KIF17: variants seen among roughly 807,000 people sequenced by gnomAD.
KIF17 encodes the protein kinesin family member 17, also known as kinesin-like protein KIF17.
In KIF17, 80 loss-of-function variants were observed where a neutral mutation model predicts 96.8. The observed-to-expected ratio is 0.83, with a 90% CI of 0.69 to 1.00. The LOEUF is 1.00. Ranked by LOEUF, KIF17 falls within the 50% of genes least tolerant of loss-of-function variation. The pLI is 0.00. For missense variants in KIF17, 1,280 were observed against 1,372.9 expected (o/e 0.93, Z 1.07); for synonymous variants, 567 against 587.5 (o/e 0.97, Z 0.51).
At position 20,704,568 on chromosome 1, in the gene KIF17, G is replaced by A. The variant is rs770451177; in HGVS notation, c.1002C>T (p.Asn334=). Residue 334 remains asparagine (N), a synonymous_variant, in exon 5 of 15, where the codon AAC becomes AAT. Coordinates refer to ENST00000400463, the MANE Select transcript of KIF17 (RefSeq NM_001122819.3). The surrounding 1 kb of genome is among the most constrained non-coding windows in gnomAD (Gnocchi z 6.8). ...STLRYANRAK[N]IRNKPRINED... ...CATTGATGCGCGGCTTGTTCCTGAT[G>A]TTCTTGGCCCGGTTGGCGTAGCGCA... The A allele has an allele frequency of 1.2e-6, 2 of 1,614,214 alleles. No homozygotes were observed. The highest frequency in any genetic ancestry group is 2.2e-5 in the East Asian group (1 of 44,870).
intron 3 of KIF17, among the ~76,000 whole-genome samples, chr1:20,711,804 G>GC (rs1403563927): frequency 6.6e-6 from 1 of 152,096 alleles, no homozygotes; most frequent in Non-Finnish European, 1.5e-5. Flanking sequence ...GTGCTGTGGA[G>GC]CCCCCGGGTT....
intron 11 of KIF17, among the ~76,000 whole-genome samples, chr1:20,682,165 C>T (rs757556242): frequency 1.2e-4 from 18 of 151,876 alleles, no homozygotes; most frequent in African/African-American, 3.9e-4. Context: ...TACCCGCATG[C>T]GTGCACACAC....
At chr1:20,690,368 G>A (rs1187181597) in intron 6 of KIF17, 33 bp from the exon 7 acceptor site, 4 of 1,581,666 alleles carry the variant, frequency 2.5e-6, no homozygotes, top group Non-Finnish European at 3.5e-6. Flanking sequence ...AGGGCAGGCA[G>A]CATTTTATCA....
At chr1:20,668,242 G>A (rs2053567462) in intron 13 of KIF17, among the ~76,000 whole-genome samples, 3 of 151,240 alleles carry the variant, frequency 2.0e-5, no homozygotes, top group Admixed American at 6.6e-5. Context: ...CCTGGGAGGC[G>A]GAGCTTGCCG....
chr1:20,700,334 G>T lies in KIF17; in HGVS notation c.1124-1846C>A, dbSNP rs1451676276. Among the ~76,000 whole-genome samples, 2 of 152,202 alleles carry T rather than the reference G, an allele frequency of 1.3e-5. No individual in the cohort carries two copies. Among genetic ancestry groups the T allele is most frequent in the Admixed American group, 6.5e-5 (1 of 15,270 alleles). On this transcript the variant is annotated intron_variant, in intron 5 of 14. Transcript: ENST00000400463. The surrounding 1 kb of genome is among the most constrained non-coding windows in gnomAD (Gnocchi z 4.6). ...GATCTGCCCACCTCGGCCTCCCAAA[G>T]TACTAGGATTACAGGCGTGAACCAC...
rs765789636 is a variant in KIF17 at position 20,690,231 on chromosome 1, G to A, written c.1338C>T (p.Asp446=). 1.7e-5 allele frequency: 28 copies of A among 1,602,412 alleles called. No individual in the cohort carries two copies. Among genetic ancestry groups the A allele is most frequent in the Middle Eastern group, 3.3e-4 (2 of 6,014 alleles). The change falls in exon 7 of 15, where the codon GAC becomes GAT. Residue 446 remains aspartate, a synonymous_variant. Coordinates refer to ENST00000400463, the MANE Select transcript of KIF17 (RefSeq NM_001122819.3). ...EDITAMRNSY[D]VRLSTLEENL... ...TCTCCTCCAGCGTGGACAGCCTGACGTCATATGAGTTGCGCATGGCAGTGA... is the reference window on the plus strand; with the variant it reads ...TCTCCTCCAGCGTGGACAGCCTGACATCATATGAGTTGCGCATGGCAGTGA...
chr1:20,708,355 G>A (rs988933930), intron 4 of KIF17, among the ~76,000 whole-genome samples: 4 of 152,210 alleles, frequency 2.6e-5, no homozygotes, highest in African/African-American at 9.7e-5. Context: ...GTGCAGTGGT[G>A]CGATCTCAGA....
chr1:20,696,601 AG>A (rs1296082971), intron 6 of KIF17, among the ~76,000 whole-genome samples: 6 of 152,102 alleles, frequency 3.9e-5, no homozygotes, highest in African/African-American at 1.4e-4. Flanking sequence ...GGTGACCACC[AG>A]GGGGAGGCAG....
At position 20,687,327 on chromosome 1, in the gene KIF17, G is replaced by A. The variant is rs539974632; in HGVS notation, c.1938+61C>T. The A allele has an allele frequency of 2.7e-5, 42 of 1,576,608 alleles. 1 individual carries two copies. The highest frequency in any genetic ancestry group is 1.3e-4 in the East Asian group (6 of 44,726). On this transcript the variant is annotated intron_variant, in intron 8 of 14. Coordinates refer to ENST00000400463, the MANE Select transcript of KIF17 (RefSeq NM_001122819.3). The surrounding 1 kb of genome is among the most constrained non-coding windows in gnomAD (Gnocchi z 4.4). ...GAACAGTGTGTGCACAGTGAGCTCC[G>A]GGCCCTGGGCAAGCTCTGCCTGCTC...
At chr1:20,702,176 C>G (rs897425448) in intron 5 of KIF17, among the ~76,000 whole-genome samples, 4 of 152,206 alleles carry the variant, frequency 2.6e-5, no homozygotes, top group Non-Finnish European at 5.9e-5. Context: ...GTCCCCTTTA[C>G]AGATGAAGAG....
Position 20,664,405 on chromosome 1 carries a change from C to T in KIF17, c.*179G>A. The T allele has an allele frequency of 6.6e-7, 1 of 1,504,170 alleles. No homozygotes were observed. Among genetic ancestry groups the T allele is most frequent in the Non-Finnish European group, 8.8e-7 (1 of 1,130,010 alleles). 93.2% of individuals were successfully genotyped at this position (1,504,170 alleles called of 1,614,324 possible). On this transcript the variant is annotated 3_prime_UTR_variant, in exon 15 of 15. Transcript: ENST00000400463. ...TATACAGCCTCCGAGGGGCTCCTGCCCAGGGCGGAGGTGGGCTCTCTGGGG... is the reference window on the plus strand; with the variant it reads ...TATACAGCCTCCGAGGGGCTCCTGCTCAGGGCGGAGGTGGGCTCTCTGGGG...
Position 20,672,281 on chromosome 1 carries a change from G to T in KIF17, c.2464-85C>A. The T allele has an allele frequency of 1.9e-6, 3 of 1,542,110 alleles. No homozygotes were observed. The highest frequency in any genetic ancestry group is 2.6e-6 in the Non-Finnish European group (3 of 1,135,202). On this transcript the variant is annotated intron_variant, in intron 11 of 14. Transcript: ENST00000400463. The surrounding 1 kb of genome is among the most constrained non-coding windows in gnomAD (Gnocchi z 4.3). ...ACCCTGTCCACTCACTGTCCTGCCA[G>T]CAGCCACGCATCGTCTGTTCATTGG... is the stretch of plus-strand genomic sequence containing the variant.
chr1:20,677,462 T>C (rs1239367615), intron 11 of KIF17, among the ~76,000 whole-genome samples: 1 of 152,204 alleles, frequency 6.6e-6, no homozygotes, highest in Admixed American at 6.5e-5. Context: ...GCAGCCTTTA[T>C]TATTACAAGA....
At position 20,678,644 on chromosome 1, in the gene KIF17, G is replaced by A. The variant is rs72978896; in HGVS notation, c.2463+4009C>T. 3.5e-3 allele frequency among the ~76,000 whole-genome samples: 528 copies of A among 152,184 alleles called. 2 individuals are homozygous for A. The highest frequency in any genetic ancestry group is 0.011 in the African/African-American group (470 of 41,516). On this transcript the variant is annotated intron_variant, in intron 11 of 14. Coordinates refer to ENST00000400463, the MANE Select transcript of KIF17 (RefSeq NM_001122819.3). Reference sequence around the variant, plus strand: ...ACCCCCAAGTGCAGCAGACAGCCCCGGAGCCACCCCATGGGGAGGTAAGCA... The same window carrying A: ...ACCCCCAAGTGCAGCAGACAGCCCCAGAGCCACCCCATGGGGAGGTAAGCA...
chr1:20,664,715 A>C lies in KIF17; in HGVS notation c.2956T>G (p.Ser986Ala). 6.2e-7 allele frequency: 1 copy of C among 1,612,422 alleles called. No individual in the cohort carries two copies. The highest frequency in any genetic ancestry group is 8.5e-7 in the Non-Finnish European group (1 of 1,179,830). ...GGGGCCTGGGTGGGTGGGATGGCAGAGTTGTTGCTGAGTGGGCAGCTGAGG... is the reference window on the plus strand; with the variant it reads ...GGGGCCTGGGTGGGTGGGATGGCAGCGTTGTTGCTGAGTGGGCAGCTGAGG... ...PGLSCPLSNN[S>A]AIPPTQAPEM... The change falls in exon 15 of 15, where the codon TCT becomes GCT. Residue 986 changes from serine to alanine, a missense_variant. Coordinates refer to ENST00000400463, the MANE Select transcript of KIF17 (RefSeq NM_001122819.3).
At chr1:20,711,293 C>T (rs1021376423) in intron 3 of KIF17, among the ~76,000 whole-genome samples, 1 of 152,108 alleles carries the variant, frequency 6.6e-6, no homozygotes, top group African/African-American at 2.4e-5. Context: ...GGGTCTCCCG[C>T]CACGATATTT....
downstream of KIF17, among the ~76,000 whole-genome samples, chr1:20,662,664 C>T (rs1557575907): frequency 1.3e-5 from 2 of 152,196 alleles, no homozygotes; most frequent in Admixed American, 6.5e-5. Context: ...CACAGGGACA[C>T]CCCAAGGCTC....
Position 20,685,306 on chromosome 1 carries a change from T to C in KIF17, c.2020-286A>G. The C allele has an allele frequency of 1.6e-6, 1 of 612,192 alleles. No individual in the cohort carries two copies. Among genetic ancestry groups the C allele is most frequent in the Non-Finnish European group, 3.1e-6 (1 of 327,130 alleles). 37.9% of individuals were successfully genotyped at this position (612,192 alleles called of 1,614,324 possible). A position where few individuals can be genotyped will look rare whatever the true frequency, so the allele number is the denominator to read the frequency against. On this transcript the variant is annotated intron_variant, in intron 9 of 14. Coordinates refer to ENST00000400463, the MANE Select transcript of KIF17 (RefSeq NM_001122819.3). The surrounding 1 kb of genome is among the most constrained non-coding windows in gnomAD (Gnocchi z 4.1). ...AGGGCCATCTTAAAATAGAAACCGA[T>C]CACATCCCGTTCCCGATGAGCCCCA...
intron 10 of KIF17, among the ~76,000 whole-genome samples, chr1:20,683,869 C>T (rs1300941096): frequency 6.6e-6 from 1 of 151,590 alleles, no homozygotes; most frequent in East Asian, 1.9e-4. Context: ...CTCTAGGATG[C>T]CACCCCTGCA....
Sources: allele counts gnomAD v4.1 joint callset (sites outside exome capture counted in the v4.1 genomes callset), GRCh38; gene constraint gnomAD v4.1.1; non-coding constraint Gnocchi (gnomAD v3.1); transcripts MANE v1.5; gene names NCBI Gene and HGNC (gene_info 2026-07-23, HGNC 2026-07-21).